Variants in ASIC2 observed in about 807,000 individuals in gnomAD.
ASIC2 encodes the protein acid sensing ion channel subunit 2.
In ASIC2, 25 loss-of-function variants were observed where a neutral mutation model predicts 57.3. The ratio of observed to expected loss-of-function variants is 0.44; its 90% CI spans 0.32 to 0.61. The LOEUF (loss-of-function observed/expected upper bound fraction) is 0.61. Ranked by LOEUF, ASIC2 falls within the 20% of genes least tolerant of loss-of-function variation. ASIC2 has a pLI of 0.06. For synonymous variants in ASIC2, 319 were observed against 307.5 expected (o/e 1.04, Z -0.39); for missense variants, 641 against 738.1 (o/e 0.87, Z 1.52).
chr17:33,578,909 A>T (rs918103367), intron 1 of ASIC2, among the ~76,000 whole-genome samples: 2 of 152,152 alleles, frequency 1.3e-5, no homozygotes, highest in African/African-American at 4.8e-5. Context: ...CAGGCAAGAA[A>T]AGATGGATGG....
chr17:33,311,439 TGTG>T (rs1471521815), intron 1 of ASIC2, among the ~76,000 whole-genome samples: 1 of 151,634 alleles, frequency 6.6e-6, no homozygotes, highest in African/African-American at 2.4e-5. Context: ...TGTGTGTGTG[TGTG>T]TGTGTGTGTG....
At chr17:33,632,799 TACA>T (rs1906216831) in intron 1 of ASIC2, among the ~76,000 whole-genome samples, 1 of 152,176 alleles carries the variant, frequency 6.6e-6, no homozygotes, top group South Asian at 2.1e-4. Context: ...TCTCTAACCT[TACA>T]ACAACAATGC....
At chr17:34,124,103 T>C (rs1406945917) in intron 1 of ASIC2, among the ~76,000 whole-genome samples, 5 of 152,034 alleles carry the variant, frequency 3.3e-5, no homozygotes, top group African/African-American at 9.7e-5. Flanking sequence ...AATAAAAATA[T>C]TAAATTATAT....
chr17:33,354,936 C>T (rs536834859), intron 1 of ASIC2, among the ~76,000 whole-genome samples: 24 of 152,322 alleles, frequency 1.6e-4, no homozygotes, highest in African/African-American at 4.8e-4. Flanking sequence ...CTGCTGAATG[C>T]GTGCTGACAT....
intron 1 of ASIC2, among the ~76,000 whole-genome samples, chr17:33,472,020 C>CT (rs58443184): frequency 2.9e-4 from 41 of 139,492 alleles, no homozygotes; most frequent in East Asian, 1.3e-3. Context: ...AGGGACTTTT[C>CT]TTTTTTTTTT....
intron 1 of ASIC2, among the ~76,000 whole-genome samples, chr17:34,129,281 A>G (rs1911883179): frequency 6.6e-6 from 1 of 152,172 alleles, no homozygotes; most frequent in Non-Finnish European, 1.5e-5. Context: ...ATGACTTTAT[A>G]TGGTGGAACC....
chr17:33,021,948 A>G (rs1411801320), intron 6 of ASIC2, among the ~76,000 whole-genome samples: 1 of 152,120 alleles, frequency 6.6e-6, no homozygotes, highest in Non-Finnish European at 1.5e-5. Context: ...CTGCCTGCAG[A>G]CTGTCTGCCA....
At chr17:34,129,406 T>C (rs1391581340) in intron 1 of ASIC2, among the ~76,000 whole-genome samples, 1 of 152,226 alleles carries the variant, frequency 6.6e-6, no homozygotes, top group African/African-American at 2.4e-5. Context: ...TGGGGAATTA[T>C]TGTCTGTCAG....
chr17:33,017,743 A>G lies in ASIC2; in HGVS notation c.1442-59T>C, dbSNP rs147295513. On this transcript the variant is annotated intron_variant, in intron 7 of 9. Transcript: ENST00000225823. ...TTTATGCAGCTTCCAGGAAGGGTGA[A>G]CAGACTGAGATGCAACCCAGACCTT... 769 of 1,510,200 alleles carry G rather than the reference A, an allele frequency of 5.1e-4. 1 individual carries two copies. In the African/African-American group the frequency reaches 9.5e-3, roughly 19 times the overall value. The allele number at this position is 1,510,200 out of a possible 1,614,324, so 93.5% of individuals were successfully genotyped here.
At chr17:33,853,662 G>C (rs151330637) in intron 1 of ASIC2, among the ~76,000 whole-genome samples, 93 of 152,288 alleles carry the variant, frequency 6.1e-4, no homozygotes, top group African/African-American at 1.4e-3. Context: ...AATCGCAGCA[G>C]GAAAGACCAA....
At chr17:33,921,420 G>T (rs1915706417) in intron 1 of ASIC2, among the ~76,000 whole-genome samples, 1 of 152,184 alleles carries the variant, frequency 6.6e-6, no homozygotes, top group Non-Finnish European at 1.5e-5. Flanking sequence ...ATTTCTGCAG[G>T]ATATGCAATT....
intron 1 of ASIC2, among the ~76,000 whole-genome samples, chr17:33,959,125 A>C (rs1431495712): frequency 2.0e-5 from 3 of 152,282 alleles, no homozygotes; most frequent in East Asian, 3.9e-4. Context: ...GCCATTCAAC[A>C]AGACTCTAGG....
rs181295203 is a variant in ASIC2, at chr17:33,491,298, G to A, written c.556-379231C>T. 1.9e-3 allele frequency among the ~76,000 whole-genome samples: 293 copies of A among 152,226 alleles called. 1 individual carries two copies. The highest frequency in any genetic ancestry group is 6.7e-3 in the African/African-American group (279 of 41,538). ...GATGCATCACAAGATTCCTCCCCTC[G>A]GCTCTAACATGATGCTGGGCACCCA... is the stretch of plus-strand genomic sequence containing the variant. On this transcript the variant is annotated intron_variant, in intron 1 of 9. Coordinates refer to the ASIC2 transcript ENST00000359872.
chr17:34,036,692 T>G (rs1265081991), intron 1 of ASIC2: 2 of 146,188 alleles, frequency 1.4e-5, no homozygotes, highest in East Asian at 2.0e-4. Flanking sequence ...TTTTTTTTTT[T>G]TTTTTTTTTT....
At chr17:33,182,199 A>G (rs750231162) in intron 1 of ASIC2, among the ~76,000 whole-genome samples, 1 of 152,198 alleles carries the variant, frequency 6.6e-6, no homozygotes, top group Non-Finnish European at 1.5e-5. Flanking sequence ...AGAAGTGGTC[A>G]GTGAACATTT....
chr17:33,918,539 T>G (rs1191417677), intron 1 of ASIC2, among the ~76,000 whole-genome samples: 1 of 152,218 alleles, frequency 6.6e-6, no homozygotes, highest in Non-Finnish European at 1.5e-5. Context: ...TTTAAACACA[T>G]TCTTCAGGTT....
intron 1 of ASIC2, among the ~76,000 whole-genome samples, chr17:33,507,442 C>T (rs993258609): frequency 2.6e-5 from 4 of 152,180 alleles, no homozygotes; most frequent in Admixed American, 6.5e-5. Context: ...TACCTAGACT[C>T]TGAGGTTTAT....
chr17:33,350,515 A>G (rs1389536790), intron 1 of ASIC2, among the ~76,000 whole-genome samples: 2 of 152,066 alleles, frequency 1.3e-5, no homozygotes, highest in African/African-American at 2.4e-5. Context: ...CCCCGTCTCT[A>G]CTAAAAATAC....
chr17:33,253,096 A>G (rs899633487), intron 1 of ASIC2, among the ~76,000 whole-genome samples: 1 of 152,206 alleles, frequency 6.6e-6, no homozygotes, highest in Non-Finnish European at 1.5e-5. Context: ...CTCAGTCAGT[A>G]CTCACATCCC....
Sources: gnomAD v4.1 joint callset for allele counts (sites outside exome capture counted in the v4.1 genomes callset) on GRCh38, gnomAD v4.1.1 for gene constraint, MANE v1.5 for transcripts, NCBI Gene and HGNC (gene_info 2026-07-23, HGNC 2026-07-21) for gene names.